BCL11B: variants seen among roughly 807,000 people sequenced by gnomAD.
The protein encoded by BCL11B is BCL11 transcription factor B.
BCL11B carries 8 observed loss-of-function variants against 49.9 expected under a neutral mutation model. The observed-to-expected ratio is 0.16, with a 90% CI of 0.09 to 0.29. The LOEUF is 0.29. BCL11B is among the 10% of genes least tolerant of loss of function. The pLI, the probability that BCL11B is intolerant of heterozygous loss-of-function variation, is 1.00. For synonymous variants in BCL11B, 739 were observed against 637.4 expected (o/e 1.16, Z -2.40); for missense variants, 1,006 against 1,351.0 (o/e 0.74, Z 4.00).
chr14:99,207,219 T>C (rs559151347), intron 3 of BCL11B, among the ~76,000 whole-genome samples: 2 of 152,166 alleles, frequency 1.3e-5, no homozygotes, highest in Non-Finnish European at 2.9e-5. Flanking sequence ...CTGGTTTACT[T>C]AAAGCAAGAG....
intron 2 of BCL11B, among the ~76,000 whole-genome samples, chr14:99,233,082 G>C (rs897773433): frequency 1.3e-5 from 2 of 152,290 alleles, no homozygotes; most frequent in Non-Finnish European, 2.9e-5. Context: ...CAGATGCTGA[G>C]GGGAAGGCCA....
At chr14:99,225,783 C>T (rs1888142299) in intron 3 of BCL11B, among the ~76,000 whole-genome samples, 1 of 152,218 alleles carries the variant, frequency 6.6e-6, no homozygotes, top group Non-Finnish European at 1.5e-5. Flanking sequence ...GTCTGAAGGG[C>T]CAACTCAGAG....
At chr14:99,210,844 C>G (rs1018764583) in intron 3 of BCL11B, among the ~76,000 whole-genome samples, 1 of 152,194 alleles carries the variant, frequency 6.6e-6, no homozygotes, top group African/African-American at 2.4e-5. Context: ...CTCCTCCTGA[C>G]TTAGCTGCAC....
intron 2 of BCL11B, among the ~76,000 whole-genome samples, chr14:99,249,360 T>C (rs1380401538): frequency 6.6e-6 from 1 of 152,156 alleles, no homozygotes; most frequent in Non-Finnish European, 1.5e-5. Context: ...GGTAAACGTG[T>C]GCCATGGTGG....
chr14:99,256,978 C>T (rs1277428986), intron 2 of BCL11B, among the ~76,000 whole-genome samples: 1 of 152,158 alleles, frequency 6.6e-6, no homozygotes, highest in African/African-American at 2.4e-5. Context: ...ACTCCCATTC[C>T]TAAGTGCCTA....
chr14:99,237,322 T>C (rs1430425269), intron 2 of BCL11B, among the ~76,000 whole-genome samples: 1 of 151,362 alleles, frequency 6.6e-6, no homozygotes, highest in East Asian at 1.9e-4. Context: ...GTAAAATATA[T>C]ACCAACAATC....
At chr14:99,258,589 A>G (rs1889244438) in intron 1 of BCL11B, among the ~76,000 whole-genome samples, 1 of 152,212 alleles carries the variant, frequency 6.6e-6, no homozygotes. Flanking sequence ...TCAGGTTCCA[A>G]AAAAATATCT....
chr14:99,237,338 C>A (rs534706573), intron 2 of BCL11B, among the ~76,000 whole-genome samples: 54 of 151,142 alleles, frequency 3.6e-4, no homozygotes, highest in Non-Finnish European at 6.5e-4. Context: ...CAATCATCAT[C>A]ATAAAGCAGA....
chr14:99,180,575 C>A (rs1175544847), intron 3 of BCL11B, among the ~76,000 whole-genome samples: 4 of 152,202 alleles, frequency 2.6e-5, no homozygotes, highest in Non-Finnish European at 4.4e-5. Flanking sequence ...CTCTCTGAGG[C>A]TTGACTTCCT....
At chr14:99,230,775 GC>G (rs1888306943) in intron 3 of BCL11B, among the ~76,000 whole-genome samples, 1 of 145,594 alleles carries the variant, frequency 6.9e-6, no homozygotes, top group African/African-American at 2.6e-5. Context: ...CTCAGCCCCC[GC>G]CCCCACCCCT....
rs778644622 is a variant in BCL11B, at chr14:99,184,252, G to T, written c.641-8057C>A. Among the ~76,000 whole-genome samples, 1 of 152,094 alleles carries T rather than the reference G, an allele frequency of 6.6e-6. No homozygotes were observed. Among genetic ancestry groups the T allele is most frequent in the Non-Finnish European group, 1.5e-5 (1 of 68,006 alleles). ...ATTCCTGCTTCTTGGAATACCTGCC[G>T]TTTATTCTCTCCCCATAAAATATCT... On this transcript the variant is annotated intron_variant, in intron 3 of 3. Transcript: ENST00000357195. This position sits in a 1 kb window ranked among gnomAD's most constrained non-coding sequence, Gnocchi z 6.1.
In BCL11B at chr14:99,174,889, G is replaced by A. The variant is rs983403866; in HGVS notation, c.1947C>T (p.Gly649=). The part of the protein sequence containing the change: ...AGGCGDAGAG[G]AVNGRGGGFA... ...AGCCGCCCCCGCGCCCGTTGACCGC[G>A]CCGCCCGCGCCCGCGTCCCCGCAGC... is the stretch of plus-strand genomic sequence containing the variant. Residue 649 remains glycine (G), a synonymous_variant, in exon 4 of 4, where the codon GGC becomes GGT. Coordinates refer to ENST00000357195, the MANE Select transcript of BCL11B (RefSeq NM_138576.4). 2 of 1,074,480 alleles carry A rather than the reference G, an allele frequency of 1.9e-6. No homozygotes were observed. The highest frequency in any genetic ancestry group is 3.4e-5 in the African/African-American group (2 of 58,268). The allele number at this position is 1,074,480 out of a possible 1,614,324, so 66.6% of individuals were successfully genotyped here. A position where few individuals can be genotyped will look rare whatever the true frequency, so the allele number is the denominator to read the frequency against.
At chr14:99,268,804 C>T (rs913417421) in intron 1 of BCL11B, among the ~76,000 whole-genome samples, 2 of 152,164 alleles carry the variant, frequency 1.3e-5, no homozygotes, top group South Asian at 4.1e-4. Context: ...CCTCTGGTCT[C>T]CTTCCCCTTT....
At chr14:99,189,442 A>C (rs1403356837) in intron 3 of BCL11B, among the ~76,000 whole-genome samples, 13 of 152,354 alleles carry the variant, frequency 8.5e-5, no homozygotes, top group African/African-American at 2.9e-4. Flanking sequence ...ATGCAAGTTC[A>C]CAATAAAATG....
At chr14:99,193,295 CAATT>C in intron 3 of BCL11B, among the ~76,000 whole-genome samples, 1 of 152,260 alleles carries the variant, frequency 6.6e-6, no homozygotes, top group South Asian at 2.1e-4. Flanking sequence ...CGCTAATACA[CAATT>C]AACATGTGAT....
At chr14:99,221,465 T>C (rs1888005558) in intron 3 of BCL11B, among the ~76,000 whole-genome samples, 1 of 152,250 alleles carries the variant, frequency 6.6e-6, no homozygotes, top group African/African-American at 2.4e-5. Flanking sequence ...CATACAATAC[T>C]GGCGTTCTAA....
intron 3 of BCL11B, among the ~76,000 whole-genome samples, chr14:99,185,635 ATG>A (rs1237186541): frequency 6.6e-6 from 1 of 152,046 alleles, no homozygotes; most frequent in Non-Finnish European, 1.5e-5. Flanking sequence ...GTCGGGGGAA[ATG>A]GGAAATGCAA....
intron 2 of BCL11B, among the ~76,000 whole-genome samples, chr14:99,238,513 T>A (rs1294313370): frequency 6.6e-6 from 1 of 152,092 alleles, no homozygotes; most frequent in Admixed American, 6.5e-5. Context: ...CCAAGGCCCC[T>A]GTGAGGGAGC....
At chr14:99,193,211 C>T (rs1242087306) in intron 3 of BCL11B, among the ~76,000 whole-genome samples, 2 of 152,188 alleles carry the variant, frequency 1.3e-5, no homozygotes, top group African/African-American at 4.8e-5. Flanking sequence ...ACTGTCTGTT[C>T]GCACACTCCT....
Sources: gnomAD v4.1 joint callset for allele counts (sites outside exome capture counted in the v4.1 genomes callset) on GRCh38, gnomAD v4.1.1 for gene constraint, Gnocchi (gnomAD v3.1) non-coding constraint, MANE v1.5 for transcripts, NCBI Gene and HGNC (gene_info 2026-07-23, HGNC 2026-07-21) for gene names.